The following CALN1 variants were observed in gnomAD, a reference collection of about 807,000 sequenced individuals.
The protein encoded by CALN1 is calcium-binding protein 8.
A neutral mutation model predicts 30.6 loss-of-function variants in CALN1; 17 were observed. The observed-to-expected ratio is 0.56, with a 90% CI of 0.38 to 0.83. The LOEUF (loss-of-function observed/expected upper bound fraction) is 0.83. Ranked by LOEUF, CALN1 falls within the 40% of genes least tolerant of loss-of-function variation. The probability of loss-of-function intolerance (pLI) is 0.00; values close to 1 mark genes in which losing one functional copy is unlikely to be tolerated. For synonymous variants in CALN1, 156 were observed against 131.4 expected, an observed-to-expected ratio of 1.19 and a Z score of -1.28; for missense variants, 291 against 354.9, an observed-to-expected ratio of 0.82 and a Z score of 1.45.
intron 5 of CALN1, among the ~76,000 whole-genome samples, chr7:71,839,048 A>C (rs1789782621): frequency 6.6e-6 from 1 of 152,032 alleles, no homozygotes; most frequent in Non-Finnish European, 1.5e-5. Flanking sequence ...GGCATCAAGC[A>C]ATCTTCCCAC....
chr7:71,827,799 T>TAAAC (rs1468403911), intron 5 of CALN1, among the ~76,000 whole-genome samples: 1 of 150,166 alleles, frequency 6.7e-6, no homozygotes, highest in African/African-American at 2.5e-5. Flanking sequence ...AATAAATAAA[T>TAAAC]AAATAAATAA....
chr7:72,027,575 G>T (rs1801144613), intron 4 of CALN1, among the ~76,000 whole-genome samples: 1 of 152,024 alleles, frequency 6.6e-6, no homozygotes, highest in Admixed American at 6.6e-5. Context: ...GCCAGGTGTG[G>T]TGGCGGGCAC....
At chr7:72,226,895 C>T (rs571286407) in intron 3 of CALN1, among the ~76,000 whole-genome samples, 10 of 151,816 alleles carry the variant, frequency 6.6e-5, no homozygotes, top group Admixed American at 6.6e-4. Flanking sequence ...CAATTAGCCA[C>T]GCATGATGGC....
chr7:71,905,606 G>A (rs1584484860), intron 5 of CALN1, among the ~76,000 whole-genome samples: 1 of 152,098 alleles, frequency 6.6e-6, no homozygotes, highest in African/African-American at 2.4e-5. Flanking sequence ...TTAGTCCTCT[G>A]GAGACCTTGG....
At chr7:71,916,207 A>T (rs1794681234) in intron 5 of CALN1, among the ~76,000 whole-genome samples, 1 of 131,438 alleles carries the variant, frequency 7.6e-6, no homozygotes, top group Non-Finnish European at 1.6e-5. Flanking sequence ...AAGAAAGAGG[A>T]TCTGAGTATA....
rs969728600 is a variant in CALN1 at position 72,305,199 on chromosome 7, G to C, written c.120-26389C>G. Reference sequence around the variant, plus strand: ...TTGGGACTGGCCCCCAGAGAACTGCGGAGGATTGCAAACCTTCAGGTAATT... The same window carrying C: ...TTGGGACTGGCCCCCAGAGAACTGCCGAGGATTGCAAACCTTCAGGTAATT... On this transcript the variant is annotated intron_variant, in intron 2 of 6. Transcript: ENST00000395275. Among the ~76,000 whole-genome samples the C allele has an allele frequency of 2.0e-5, 3 of 152,166 alleles. No homozygotes were observed. The East Asian group carries it at 5.8e-4, about 29-fold the overall frequency.
intron 3 of CALN1, among the ~76,000 whole-genome samples, chr7:72,119,848 A>G (rs904015184): frequency 6.6e-6 from 1 of 152,206 alleles, no homozygotes; most frequent in African/African-American, 2.4e-5. Context: ...CTCCCATGAC[A>G]TGTGGGAATT....
chr7:72,414,979 T>C (rs571582792), upstream of CALN1, among the ~76,000 whole-genome samples: 30 of 152,308 alleles, frequency 2.0e-4, no homozygotes, highest in South Asian at 5.2e-3. Context: ...CCTAATCCAA[T>C]TGGACTGTGG....
intron 4 of CALN1, among the ~76,000 whole-genome samples, chr7:72,054,276 T>C (rs536412873): frequency 6.6e-6 from 1 of 151,992 alleles, no homozygotes; most frequent in South Asian, 2.1e-4. Flanking sequence ...GTAGTTATTT[T>C]TGACTTTTTC....
intron 5 of CALN1, among the ~76,000 whole-genome samples, chr7:71,880,355 A>G (rs1270113804): frequency 6.6e-6 from 1 of 152,146 alleles, no homozygotes. Context: ...GACTATAATT[A>G]CAACATCACT....
chr7:71,936,835 G>T lies in CALN1; in HGVS notation c.501+86822C>A, dbSNP rs1795860163. ...GGAGACAATTTGAACCATGGAGGCA[G>T]TTTCCCCCATACTGTTCTCGTGGTA... On this transcript the variant is annotated intron_variant, in intron 5 of 6. Transcript: ENST00000395275. 3.3e-5 allele frequency among the ~76,000 whole-genome samples: 5 copies of T among 152,000 alleles called. No homozygotes were observed. In the South Asian group the frequency reaches 1.0e-3, roughly 32 times the overall value.
intron 3 of CALN1, among the ~76,000 whole-genome samples, chr7:72,216,776 G>A (rs1041757413): frequency 1.3e-5 from 2 of 152,192 alleles, no homozygotes; most frequent in African/African-American, 4.8e-5. Flanking sequence ...GGGGGAGACA[G>A]GGTCTTGCTC....
chr7:71,882,620 TC>T (rs1465463130), intron 5 of CALN1, among the ~76,000 whole-genome samples: 2 of 152,174 alleles, frequency 1.3e-5, no homozygotes, highest in African/African-American at 4.8e-5. Flanking sequence ...AGAGAGGCCT[TC>T]CCCTTTGCAT....
At chr7:72,375,229 T>C (rs1804487072) in intron 2 of CALN1, among the ~76,000 whole-genome samples, 1 of 152,018 alleles carries the variant, frequency 6.6e-6, no homozygotes, top group East Asian at 1.9e-4. Context: ...GAAATAAAAA[T>C]GTTCAGTGAG....
At chr7:72,073,478 CT>C (rs992308417) in intron 4 of CALN1, among the ~76,000 whole-genome samples, 1 of 152,100 alleles carries the variant, frequency 6.6e-6, no homozygotes, top group African/African-American at 2.4e-5. Flanking sequence ...ATCTGCTTTC[CT>C]TTTGCTTTTC....
chr7:71,990,341 C>T (rs1798882479), intron 5 of CALN1, among the ~76,000 whole-genome samples: 1 of 152,192 alleles, frequency 6.6e-6, no homozygotes, highest in Non-Finnish European at 1.5e-5. Context: ...CCACACCTTT[C>T]CTGGAAAACT....
In CALN1 at chr7:71,787,400, CTG is replaced by C. The variant is rs1160167933; in HGVS notation, c.*373_*374del. 2.1e-5 allele frequency: 4 copies of C among 192,508 alleles called. No individual in the cohort carries two copies. The highest frequency in any genetic ancestry group is 1.0e-4 in the Admixed American group (2 of 19,258). The allele number at this position is 192,508 out of a possible 1,614,324, so 11.9% of individuals were successfully genotyped here. On this transcript the variant is annotated 3_prime_UTR_variant, in exon 7 of 7. Coordinates refer to ENST00000395275, the MANE Select transcript of CALN1 (RefSeq NM_031468.4). ...TTGAAAGAATGGGGAGTGGAGGTGA[CTG>C]TGTGTTCATGCCTCTCTCTTGCTCT... is the stretch of plus-strand genomic sequence containing the variant.
chr7:72,294,423 T>G (rs563181323), intron 2 of CALN1, among the ~76,000 whole-genome samples: 1 of 152,086 alleles, frequency 6.6e-6, no homozygotes, highest in African/African-American at 2.4e-5. Context: ...ATGTACCATA[T>G]CATAGCACTG....
intron 2 of CALN1, among the ~76,000 whole-genome samples, chr7:72,378,902 G>A (rs1032122507): frequency 2.6e-5 from 4 of 151,958 alleles, no homozygotes; most frequent in African/African-American, 7.3e-5. Flanking sequence ...TTCTTTTTAA[G>A]CCAGGAATGA....
Sources: gnomAD v4.1 joint callset for allele counts (sites outside exome capture counted in the v4.1 genomes callset) on GRCh38, gnomAD v4.1.1 for gene constraint, MANE v1.5 for transcripts, NCBI Gene and HGNC (gene_info 2026-07-23, HGNC 2026-07-21) for gene names.